The following KIRREL3 variants were observed in gnomAD, a reference collection of about 807,000 sequenced individuals.
KIRREL3 encodes kin of IRRE-like protein 3.
KIRREL3 carries 36 observed loss-of-function variants against 89.7 expected under a neutral mutation model. The ratio of observed to expected loss-of-function variants is 0.40; its 90% CI spans 0.31 to 0.53. The LOEUF is 0.53. KIRREL3 is among the 20% of genes least tolerant of loss of function. The pLI, the probability that KIRREL3 is intolerant of heterozygous loss-of-function variation, is 0.49. For missense variants in KIRREL3, 864 were observed against 1,056.6 expected (o/e 0.82, Z 2.53); for synonymous variants, 445 against 441.4 (o/e 1.01, Z -0.10).
rs55838363 is a variant in KIRREL3, at chr11:126,521,676, ATGTGTGTG to A, written c.284-220_284-213del. Among the ~76,000 whole-genome samples the A allele has an allele frequency of 0.016, 2,295 of 143,462 alleles. 27 individuals are homozygous for A. Among genetic ancestry groups the A allele is most frequent in the Middle Eastern group, 0.017 (5 of 288 alleles). 94.1% of individuals were successfully genotyped at this position (143,462 alleles called of 152,430 possible). A position where few individuals can be genotyped will look rare whatever the true frequency, so the allele number is the denominator to read the frequency against. ...GTTGGTTCTCTCTCTCTCTCTCTGT[ATGTGTGTG>A]TGTGTGTGTGTGTGTGTGTGTGTGT... On this transcript the variant is annotated intron_variant, in intron 3 of 16. Transcript: ENST00000525144. This position sits in a 1 kb window ranked among gnomAD's most constrained non-coding sequence, Gnocchi z 4.1.
intron 13 of KIRREL3, among the ~76,000 whole-genome samples, chr11:126,434,675 G>A (rs942225227): frequency 4.6e-5 from 7 of 152,198 alleles, no homozygotes; most frequent in Non-Finnish European, 7.3e-5. Context: ...GAGCAACTCC[G>A]CCCAGGGGGC....
At position 126,898,813 on chromosome 11, in the gene KIRREL3, C is replaced by T. The variant is rs1433260534; in HGVS notation, c.55+101642G>A. 2.0e-4 allele frequency among the ~76,000 whole-genome samples: 31 copies of T among 152,090 alleles called. No homozygotes were observed. The highest frequency in any genetic ancestry group is 2.0e-3 in the Admixed American group (31 of 15,262). ...GTCATAAGCTGAGAAATATGACTAA[C>T]TCAAGTCTTTGCAGCTTATATTCAA... On this transcript the variant is annotated intron_variant, in intron 1 of 16. Transcript: ENST00000525144. The surrounding 1 kb of genome is among the most constrained non-coding windows in gnomAD (Gnocchi z 4.9).
Position 126,636,028 on chromosome 11 carries a change from G to A in KIRREL3, c.56-73116C>T, listed in dbSNP as rs1471950890. On this transcript the variant is annotated intron_variant, in intron 1 of 16. Transcript: ENST00000525144. The surrounding 1 kb of genome is among the most constrained non-coding windows in gnomAD (Gnocchi z 4.4). ...AAGACTTGAATGCCCCTGAGTCAAA[G>A]TCTGCTCTGAAGACCAGCCCCCTTA... Among the ~76,000 whole-genome samples, 1 of 152,194 alleles carries A rather than the reference G, an allele frequency of 6.6e-6. No homozygotes were observed. The highest frequency in any genetic ancestry group is 1.5e-5 in the Non-Finnish European group (1 of 68,040).
chr11:126,502,642 A>G (rs1033029667), intron 4 of KIRREL3, among the ~76,000 whole-genome samples: 10 of 152,234 alleles, frequency 6.6e-5, no homozygotes, highest in African/African-American at 2.4e-4. Context: ...TGCAGTCGAA[A>G]GGTAAATTGT....
At chr11:126,720,997 G>A (rs1948149517) in intron 1 of KIRREL3, among the ~76,000 whole-genome samples, 1 of 152,182 alleles carries the variant, frequency 6.6e-6, no homozygotes. Flanking sequence ...GGGATTCCTA[G>A]GGAAGAAGCT....
rs771900039 is a variant in KIRREL3 at position 126,754,339 on chromosome 11, G to A, written c.56-191427C>T. On this transcript the variant is annotated intron_variant, in intron 1 of 16. Transcript: ENST00000525144. The surrounding 1 kb of genome is among the most constrained non-coding windows in gnomAD (Gnocchi z 5.1). The stretch of plus-strand genomic sequence containing the variant: ...TTGATGGAAAATAAAGATGTTCACT[G>A]CTGAAACAGCATTCCTCAGAACGTA... 2.6e-5 allele frequency among the ~76,000 whole-genome samples: 4 copies of A among 152,170 alleles called. No individual in the cohort carries two copies. Among genetic ancestry groups the A allele is most frequent in the Admixed American group, 6.5e-5 (1 of 15,280 alleles).
rs116519482 is a variant in KIRREL3, at chr11:126,702,148, C to T, written c.56-139236G>A. On this transcript the variant is annotated intron_variant, in intron 1 of 16. Coordinates refer to ENST00000525144, the MANE Select transcript of KIRREL3 (RefSeq NM_032531.4). ...CTAAGGTTTCTGTCTCCTGTCCAAA[C>T]CTTCATCTGTAAACGGGAGCAAATC... is the stretch of plus-strand genomic sequence containing the variant. Among the ~76,000 whole-genome samples the T allele has an allele frequency of 2.5e-3, 380 of 152,266 alleles. 2 individuals carry two copies. The highest frequency in any genetic ancestry group is 8.7e-3 in the African/African-American group (363 of 41,556).
At chr11:126,617,928 A>T (rs1230700075) in intron 1 of KIRREL3, among the ~76,000 whole-genome samples, 1 of 152,186 alleles carries the variant, frequency 6.6e-6, no homozygotes, top group African/African-American at 2.4e-5. Flanking sequence ...TATGGTTTGG[A>T]TCTGTGTCCC....
In KIRREL3 at chr11:126,676,090, T is replaced by C. The variant is rs1292727949; in HGVS notation, c.56-113178A>G. ...AGGATGCCAGGTCCAGTTTGGGACA[T>C]ACTGAATTTCAGATGGTTTGGGGAC... On this transcript the variant is annotated intron_variant, in intron 1 of 16. Transcript: ENST00000525144. This position sits in a 1 kb window ranked among gnomAD's most constrained non-coding sequence, Gnocchi z 4.5. Among the ~76,000 whole-genome samples the C allele has an allele frequency of 1.3e-5, 2 of 152,158 alleles. No homozygotes were observed. Among genetic ancestry groups the C allele is most frequent in the African/African-American group, 2.4e-5 (1 of 41,436 alleles).
intron 1 of KIRREL3, among the ~76,000 whole-genome samples, chr11:126,759,074 A>G (rs1429663187): frequency 6.6e-6 from 1 of 152,222 alleles, no homozygotes; most frequent in Non-Finnish European, 1.5e-5. Context: ...TTCTGCATAC[A>G]GGAAGAAACT....
intron 1 of KIRREL3, among the ~76,000 whole-genome samples, chr11:126,699,011 C>G (rs564257365): frequency 1.2e-4 from 18 of 152,220 alleles, no homozygotes; most frequent in Non-Finnish European, 2.4e-4. Flanking sequence ...AATCACATCC[C>G]AGCTCTTCTC....
Position 126,778,857 on chromosome 11 carries a change from A to AT in KIRREL3, c.56-215946dup, listed in dbSNP as rs1950243340. On this transcript the variant is annotated intron_variant, in intron 1 of 16. Coordinates refer to ENST00000525144, the MANE Select transcript of KIRREL3 (RefSeq NM_032531.4). This position sits in a 1 kb window ranked among gnomAD's most constrained non-coding sequence, Gnocchi z 4.5. ...GCATGGAAAAACTGTCGTTCTTGTT[A>AT]TTTTATAGTCTACCAGGTAAATGTA... 6.6e-6 allele frequency among the ~76,000 whole-genome samples: 1 copy of AT among 152,204 alleles called. No individual in the cohort carries two copies. Among genetic ancestry groups the AT allele is most frequent in the Non-Finnish European group, 1.5e-5 (1 of 68,034 alleles).
chr11:126,804,039 T>C (rs1951125606), intron 1 of KIRREL3, among the ~76,000 whole-genome samples: 1 of 152,196 alleles, frequency 6.6e-6, no homozygotes, highest in Non-Finnish European at 1.5e-5. Context: ...GTGTCATCTA[T>C]GTTTGTAAGT....
Position 126,778,847 on chromosome 11 carries a change from C to A in KIRREL3, c.56-215935G>T, listed in dbSNP as rs575647541. 2.0e-5 allele frequency among the ~76,000 whole-genome samples: 3 copies of A among 152,176 alleles called. No individual in the cohort carries two copies. The highest frequency in any genetic ancestry group is 7.2e-5 in the African/African-American group (3 of 41,442). On this transcript the variant is annotated intron_variant, in intron 1 of 16. Transcript: ENST00000525144. This position sits in a 1 kb window ranked among gnomAD's most constrained non-coding sequence, Gnocchi z 4.5. The stretch of plus-strand genomic sequence containing the variant: ...TATAAGTCCAGCATGGAAAAACTGT[C>A]GTTCTTGTTATTTTATAGTCTACCA...
At chr11:126,800,475 TAGGGAGGTCTCC>T (rs1032691277) in intron 1 of KIRREL3, among the ~76,000 whole-genome samples, 2 of 152,184 alleles carry the variant, frequency 1.3e-5, no homozygotes, top group African/African-American at 4.8e-5. Flanking sequence ...AGAAGGCAGG[TAGGGAGGTCTCC>T]AGGGAAGGAT....
intron 5 of KIRREL3, among the ~76,000 whole-genome samples, chr11:126,470,036 G>T (rs1956842064): frequency 6.6e-6 from 1 of 152,254 alleles, no homozygotes; most frequent in African/African-American, 2.4e-5. Context: ...CATGGATCGG[G>T]TCCCCCGCCC....
rs921309178 is a variant in KIRREL3 at position 126,736,149 on chromosome 11, T to A, written c.56-173237A>T. Among the ~76,000 whole-genome samples the A allele has an allele frequency of 6.6e-6, 1 of 152,178 alleles. No individual in the cohort carries two copies. The highest frequency in any genetic ancestry group is 2.4e-5 in the African/African-American group (1 of 41,434). ...CTACCTTGCATTTCTGTGGATTTGG[T>A]CACAAGAGGGATTGTCTAGAGAGAA... On this transcript the variant is annotated intron_variant, in intron 1 of 16. Transcript: ENST00000525144. The surrounding 1 kb of genome is among the most constrained non-coding windows in gnomAD (Gnocchi z 5.0).
intron 1 of KIRREL3, among the ~76,000 whole-genome samples, chr11:126,911,915 A>G (rs7101455): frequency 0.77 from 114,423 of 149,158 alleles, 44,587 homozygotes; most frequent in Middle Eastern, 0.92. Flanking sequence ...CCCGGGAGGC[A>G]GAGCTTGCAG....
intron 1 of KIRREL3, among the ~76,000 whole-genome samples, chr11:126,646,223 C>T (rs970186872): frequency 6.6e-5 from 10 of 152,112 alleles, no homozygotes; most frequent in African/African-American, 2.2e-4. Context: ...GGTTTGTGCT[C>T]TAGCATCTGT....
Sources: gnomAD v4.1 joint callset for allele counts (sites outside exome capture counted in the v4.1 genomes callset) on GRCh38, gnomAD v4.1.1 for gene constraint, Gnocchi (gnomAD v3.1) non-coding constraint, MANE v1.5 for transcripts, NCBI Gene and HGNC (gene_info 2026-07-23, HGNC 2026-07-21) for gene names.